The following BCAS3 variants were observed in gnomAD, a reference collection of about 807,000 sequenced individuals.
BCAS3 encodes the protein BCAS4/BCAS3 fusion.
A neutral mutation model predicts 116.1 loss-of-function variants in BCAS3; 53 were observed. The observed-to-expected ratio is 0.46, with a 90% CI of 0.37 to 0.57. The LOEUF is 0.57. Among genes scored for constraint, BCAS3 ranks in the 20% least tolerant of loss-of-function variants. The pLI, the probability that BCAS3 is intolerant of heterozygous loss-of-function variation, is 0.00. For missense variants in BCAS3, 917 were observed against 1,165.4 expected (o/e 0.79, Z 3.10); for synonymous variants, 391 against 408.2 (o/e 0.96, Z 0.51).
chr17:60,969,158 T>C (rs1447833314), intron 14 of BCAS3, among the ~76,000 whole-genome samples: 1 of 152,190 alleles, frequency 6.6e-6, no homozygotes, highest in Non-Finnish European at 1.5e-5. Context: ...TCTGAGTGTT[T>C]CTGGTTAAAA....
At position 61,199,269 on chromosome 17, in the gene BCAS3, G is replaced by T. The variant is rs1250565975; in HGVS notation, c.2425+114705G>T. Among the ~76,000 whole-genome samples, 2 of 152,120 alleles carry T rather than the reference G, an allele frequency of 1.3e-5. No homozygotes were observed. The highest frequency in any genetic ancestry group is 2.9e-5 in the Non-Finnish European group (2 of 68,036). On this transcript the variant is annotated intron_variant, in intron 22 of 23. Coordinates refer to ENST00000407086, the MANE Select transcript of BCAS3 (RefSeq NM_017679.5). The surrounding 1 kb of genome is among the most constrained non-coding windows in gnomAD (Gnocchi z 4.6). ...TGCATGTTTTTATCTGTTCTGTTGT[G>T]TAGAATGTATATGCTGCCAGCCAGC...
At chr17:60,824,053 A>G (rs767834584) in intron 7 of BCAS3, among the ~76,000 whole-genome samples, 1 of 152,206 alleles carries the variant, frequency 6.6e-6, no homozygotes, top group Non-Finnish European at 1.5e-5. Context: ...TGACTACTAT[A>G]ATAAACTTTC....
chr17:60,989,332 G>A (rs2063374399), intron 14 of BCAS3, among the ~76,000 whole-genome samples: 1 of 152,104 alleles, frequency 6.6e-6, no homozygotes, highest in South Asian at 2.1e-4. Flanking sequence ...GTCACCAGTT[G>A]ACTGATATTG....
chr17:60,740,301 C>G (rs1033597830), intron 5 of BCAS3, among the ~76,000 whole-genome samples: 4 of 151,640 alleles, frequency 2.6e-5, no homozygotes, highest in Admixed American at 2.6e-4. Context: ...CAAGACTAGC[C>G]TGGGCAATAT....
At chr17:60,974,108 A>C (rs1245650734) in intron 14 of BCAS3, among the ~76,000 whole-genome samples, 1 of 152,222 alleles carries the variant, frequency 6.6e-6, no homozygotes, top group Non-Finnish European at 1.5e-5. Context: ...CATTTTGTAC[A>C]GATCATCTAA....
intron 16 of BCAS3, among the ~76,000 whole-genome samples, chr17:61,022,195 AT>A (rs1361280538): frequency 1.3e-5 from 2 of 151,914 alleles, no homozygotes; most frequent in Non-Finnish European, 2.9e-5. Context: ...AAATCTGGGA[AT>A]TTTTTTTGGA....
In BCAS3 at chr17:61,156,185, AG is replaced by A. The variant is rs2077826972; in HGVS notation, c.2425+71622del. ...GCCAGACACATTAAAAAAAAAAAAA[AG>A]AAAAGTAAAATCTGAGTTGTTACTA... is the stretch of plus-strand genomic sequence containing the variant. On this transcript the variant is annotated intron_variant, in intron 22 of 23. Transcript: ENST00000407086. This position sits in a 1 kb window ranked among gnomAD's most constrained non-coding sequence, Gnocchi z 4.7. Among the ~76,000 whole-genome samples, 1 of 150,568 alleles carries A rather than the reference AG, an allele frequency of 6.6e-6. No homozygotes were observed. The highest frequency in any genetic ancestry group is 2.1e-4 in the South Asian group (1 of 4,806).
rs1175377867 is a variant in BCAS3 at position 60,828,655 on chromosome 17, A to G, written c.476+20579A>G. ...ACTGGGCTAATCATACATTGTGTAT[A>G]TGATTTTAAGATGTTTTCTAAAGAT... On this transcript the variant is annotated intron_variant, in intron 7 of 23. Coordinates refer to ENST00000407086, the MANE Select transcript of BCAS3 (RefSeq NM_017679.5). 2.6e-5 allele frequency among the ~76,000 whole-genome samples: 4 copies of G among 152,350 alleles called. No homozygotes were observed. In the East Asian group the frequency reaches 5.8e-4, roughly 22 times the overall value.
rs138054753 is a variant in BCAS3, at chr17:60,920,637, G to A, written c.994-3770G>A. Reference sequence around the variant, plus strand: ...TGTAATCCCAGCACTTTGGGAGGCCGAGGCAGGCAGATCACGAGGTCGGGA... The same window carrying A: ...TGTAATCCCAGCACTTTGGGAGGCCAAGGCAGGCAGATCACGAGGTCGGGA... On this transcript the variant is annotated intron_variant, in intron 12 of 23. Coordinates refer to ENST00000407086, the MANE Select transcript of BCAS3 (RefSeq NM_017679.5). Among the ~76,000 whole-genome samples, 572 of 152,210 alleles carry A rather than the reference G, an allele frequency of 3.8e-3. 3 individuals carry two copies. The highest frequency in any genetic ancestry group is 0.013 in the African/African-American group (543 of 41,532).
rs574749022 is a variant in BCAS3 at position 60,875,307 on chromosome 17, G to C, written c.661+569G>C. 4.1e-4 allele frequency among the ~76,000 whole-genome samples: 63 copies of C among 152,164 alleles called. 1 individual carries two copies. Among genetic ancestry groups the C allele is most frequent in the African/African-American group, 1.4e-3 (57 of 41,548 alleles). ...GATAATATTTGCAGCTTTTCTGTGG[G>C]AGTATTTGGCAGCTTGAGATTTTCT... is the stretch of plus-strand genomic sequence containing the variant. On this transcript the variant is annotated intron_variant, in intron 9 of 23. Coordinates refer to ENST00000407086, the MANE Select transcript of BCAS3 (RefSeq NM_017679.5).
chr17:61,031,031 A>G (rs2066598717), intron 16 of BCAS3, among the ~76,000 whole-genome samples: 3 of 152,056 alleles, frequency 2.0e-5, no homozygotes, highest in South Asian at 4.1e-4. Flanking sequence ...ATATTTTTCT[A>G]TCATTGTATT....
At chr17:60,740,431 C>T (rs776051184) in intron 5 of BCAS3, among the ~76,000 whole-genome samples, 42 of 143,976 alleles carry the variant, frequency 2.9e-4, no homozygotes, top group Admixed American at 1.2e-3. Context: ...CCAGGGGGGC[C>T]GAGGCAGCAG....
chr17:60,767,607 A>G (rs886863630), intron 6 of BCAS3, among the ~76,000 whole-genome samples: 2 of 151,978 alleles, frequency 1.3e-5, no homozygotes, highest in Non-Finnish European at 2.9e-5. Context: ...TCAGCCTCCC[A>G]AAGTGCTGGG....
At chr17:60,924,217 T>G (rs973865874) in intron 12 of BCAS3, among the ~76,000 whole-genome samples, 190 bp from the exon 13 acceptor site, 6 of 152,222 alleles carry the variant, frequency 3.9e-5, no homozygotes, top group Non-Finnish European at 8.8e-5. Flanking sequence ...ATGACTGATG[T>G]GCGTGGGGGC....
intron 22 of BCAS3, among the ~76,000 whole-genome samples, chr17:61,100,774 G>A (rs533500971): frequency 1.3e-5 from 2 of 152,260 alleles, no homozygotes; most frequent in South Asian, 4.2e-4. Context: ...AAGTGACAAG[G>A]AGACCATCTT....
At chr17:61,269,568 A>G (rs1371804924) in intron 22 of BCAS3, among the ~76,000 whole-genome samples, 1 of 151,984 alleles carries the variant, frequency 6.6e-6, no homozygotes, top group Non-Finnish European at 1.5e-5. Context: ...AAGGGTTCCA[A>G]TTTCTCCACA....
intron 22 of BCAS3, among the ~76,000 whole-genome samples, chr17:61,298,814 ATTTAT>A (rs929028314): frequency 1.5e-5 from 2 of 137,284 alleles, no homozygotes; most frequent in African/African-American, 3.0e-5. Context: ...TTATTTATTT[ATTTAT>A]TTATTATTAT....
intron 14 of BCAS3, among the ~76,000 whole-genome samples, chr17:60,972,304 A>G (rs1265443488): frequency 1.3e-5 from 2 of 152,130 alleles, no homozygotes; most frequent in East Asian, 1.9e-4. Flanking sequence ...AAAAGCATGG[A>G]CTAGCGTTTT....
chr17:61,272,654 AAAAAAAAAAAAAAGC>A (rs1405892819), intron 22 of BCAS3, among the ~76,000 whole-genome samples: 131 of 144,594 alleles, frequency 9.1e-4, no homozygotes, highest in Non-Finnish European at 1.4e-3. Flanking sequence ...AAAAAAAAAA[AAAAAAAAAAAAAAGC>A]AATTTTGATC....
Sources: allele counts gnomAD v4.1 joint callset (sites outside exome capture counted in the v4.1 genomes callset), GRCh38; gene constraint gnomAD v4.1.1; non-coding constraint Gnocchi (gnomAD v3.1); transcripts MANE v1.5; gene names NCBI Gene and HGNC (gene_info 2026-07-23, HGNC 2026-07-21).